The following PCDH9 variants were observed in gnomAD, a reference collection of about 807,000 sequenced individuals.
The protein encoded by PCDH9 is protocadherin 9, also known as protocadherin-9.
PCDH9 carries 24 observed loss-of-function variants against 70.6 expected under a neutral mutation model. The ratio of observed to expected loss-of-function variants is 0.34; its 90% CI spans 0.25 to 0.48. PCDH9 has a LOEUF of 0.48. Ranked by LOEUF, PCDH9 falls within the 20% of genes least tolerant of loss-of-function variation. PCDH9 has a pLI of 0.99. For synonymous variants in PCDH9, 562 were observed against 558.5 expected (o/e 1.01, Z -0.09); for missense variants, 1,281 against 1,503.6 (o/e 0.85, Z 2.45).
At chr13:66,596,467 T>C (rs982244922) in intron 4 of PCDH9, among the ~76,000 whole-genome samples, 2 of 151,716 alleles carry the variant, frequency 1.3e-5, no homozygotes, top group Non-Finnish European at 3.0e-5. Flanking sequence ...TGCATGTACA[T>C]ATATACACCC....
chr13:66,591,280 C>T lies in PCDH9; in HGVS notation c.3340+39930G>A, dbSNP rs554734368. 1.5e-4 allele frequency among the ~76,000 whole-genome samples: 23 copies of T among 151,714 alleles called. 1 individual carries two copies. The South Asian group carries it at 4.6e-3, about 30-fold the overall frequency. On this transcript the variant is annotated intron_variant, in intron 4 of 4. Coordinates refer to ENST00000377865, the MANE Select transcript of PCDH9 (RefSeq NM_203487.3). ...ATTGGTTTACACAGAATCTCATACA[C>T]TTTATGCAGCTGTTTTCATGCCAAT...
At chr13:66,846,884 TACACACACAC>T (rs34392674) in intron 3 of PCDH9, among the ~76,000 whole-genome samples, 5 of 149,478 alleles carry the variant, frequency 3.3e-5, no homozygotes, top group Non-Finnish European at 5.9e-5. Flanking sequence ...TTTCTCATAA[TACACACACAC>T]ACACACACAC....
intron 4 of PCDH9, among the ~76,000 whole-genome samples, chr13:66,386,375 C>T (rs1956930212): frequency 6.6e-6 from 1 of 152,104 alleles, no homozygotes; most frequent in Non-Finnish European, 1.5e-5. Flanking sequence ...CTACACTCCA[C>T]CCTATAGAGT....
intron 4 of PCDH9, among the ~76,000 whole-genome samples, chr13:66,625,643 T>C (rs1404704203): frequency 6.8e-6 from 1 of 146,620 alleles, no homozygotes; most frequent in Non-Finnish European, 1.5e-5. Context: ...ACTCCACTTT[T>C]GGCCAACATA....
At chr13:66,662,530 A>C (rs2078025748) in intron 3 of PCDH9, among the ~76,000 whole-genome samples, 1 of 152,196 alleles carries the variant, frequency 6.6e-6, no homozygotes. Context: ...AATAAGACTT[A>C]AATATCAAAC....
At chr13:66,938,620 CAT>C (rs762479389) in intron 2 of PCDH9, among the ~76,000 whole-genome samples, 33 of 152,146 alleles carry the variant, frequency 2.2e-4, no homozygotes, top group Non-Finnish European at 4.4e-4. Context: ...AAACGACTGA[CAT>C]TGATGTTATC....
rs558733498 is a variant in PCDH9, at chr13:66,956,371, C to A, written c.3037-52766G>T. On this transcript the variant is annotated intron_variant, in intron 2 of 4. Transcript: ENST00000377865. ...ACCTTAGTAATGACTGAGCCCCCGA[C>A]AATAATGAGGCTTAAATTAAGTATT... 2.0e-5 allele frequency among the ~76,000 whole-genome samples: 3 copies of A among 152,230 alleles called. No homozygotes were observed. In the East Asian group the frequency reaches 5.8e-4, roughly 29 times the overall value.
intron 2 of PCDH9, among the ~76,000 whole-genome samples, chr13:67,049,086 G>C (rs921333117): frequency 2.6e-5 from 4 of 152,014 alleles, no homozygotes; most frequent in African/African-American, 9.7e-5. Context: ...AAAAATGTTT[G>C]TTCTCTTTAA....
intron 2 of PCDH9, among the ~76,000 whole-genome samples, chr13:66,947,861 CT>C (rs1167867962): frequency 6.6e-6 from 1 of 152,022 alleles, no homozygotes; most frequent in Non-Finnish European, 1.5e-5. Context: ...AGTCAGGTCT[CT>C]TTGAGCAAGG....
At chr13:66,647,077 G>A (rs980012211) in intron 3 of PCDH9, among the ~76,000 whole-genome samples, 1 of 152,124 alleles carries the variant, frequency 6.6e-6, no homozygotes, top group African/African-American at 2.4e-5. Context: ...AAGACCTAAA[G>A]TGCTCTGGAG....
chr13:66,731,319 C>T (rs929202885), intron 3 of PCDH9, among the ~76,000 whole-genome samples: 1 of 152,102 alleles, frequency 6.6e-6, no homozygotes, highest in Non-Finnish European at 1.5e-5. Context: ...CAAAGTCAGA[C>T]ATTTTGTATA....
At chr13:66,906,673 T>C (rs1237879288) in intron 2 of PCDH9, among the ~76,000 whole-genome samples, 1 of 152,168 alleles carries the variant, frequency 6.6e-6, no homozygotes, top group Non-Finnish European at 1.5e-5. Flanking sequence ...TTACTGTTCT[T>C]TCCTTACTTT....
chr13:67,097,756 A>G (rs150849857), intron 2 of PCDH9, among the ~76,000 whole-genome samples: 2 of 152,314 alleles, frequency 1.3e-5, no homozygotes, highest in East Asian at 3.9e-4. Flanking sequence ...TTTGATATAA[A>G]AAAACTACAT....
chr13:66,792,201 A>T (rs1001240776), intron 3 of PCDH9, among the ~76,000 whole-genome samples: 8 of 152,238 alleles, frequency 5.3e-5, no homozygotes, highest in African/African-American at 1.9e-4. Flanking sequence ...CACCTGAAGA[A>T]TTCCACAATA....
chr13:66,517,453 C>T (rs918920766), intron 4 of PCDH9, among the ~76,000 whole-genome samples: 1 of 152,032 alleles, frequency 6.6e-6, no homozygotes, highest in Non-Finnish European at 1.5e-5. Context: ...TTTAGCTTTT[C>T]CAATGAAACA....
intron 3 of PCDH9, among the ~76,000 whole-genome samples, chr13:66,890,527 G>C (rs2082079774): frequency 7.5e-6 from 1 of 133,740 alleles, no homozygotes. Context: ...CTGCTCTTTT[G>C]GGAGGTTGCT....
At chr13:66,737,555 G>T (rs914967223) in intron 3 of PCDH9, among the ~76,000 whole-genome samples, 2 of 152,168 alleles carry the variant, frequency 1.3e-5, no homozygotes. Flanking sequence ...CGCAGAAGAC[G>T]GGTGATTTCT....
intron 4 of PCDH9, among the ~76,000 whole-genome samples, chr13:66,480,459 T>C (rs955291311): frequency 4.6e-5 from 7 of 152,218 alleles, no homozygotes; most frequent in African/African-American, 1.7e-4. Context: ...TTGATTTCAA[T>C]TTTTAAAGAA....
chr13:66,906,446 C>T (rs937465665), intron 2 of PCDH9, among the ~76,000 whole-genome samples: 4 of 152,194 alleles, frequency 2.6e-5, no homozygotes, highest in African/African-American at 7.2e-5. Flanking sequence ...TAAGGGCCAA[C>T]AGTGCCAAGA....
Sources: gnomAD v4.1 joint callset for allele counts (sites outside exome capture counted in the v4.1 genomes callset) on GRCh38, gnomAD v4.1.1 for gene constraint, MANE v1.5 for transcripts, NCBI Gene and HGNC (gene_info 2026-07-23, HGNC 2026-07-21) for gene names.